LTK: variants seen among roughly 807,000 people sequenced by gnomAD.
LTK encodes the protein leukocyte receptor tyrosine kinase.
Under a neutral mutation model 101.5 loss-of-function variants are expected in LTK, and 117 were observed. That is an observed-to-expected ratio of 1.15 (90% CI 0.99 to 1.34). The LOEUF is 1.34. LTK is among the 40% of genes most tolerant of loss of function. The pLI, the probability that LTK is intolerant of heterozygous loss-of-function variation, is 0.00. For synonymous variants in LTK, 563 were observed against 494.2 expected (o/e 1.14, Z -1.85); for missense variants, 1,252 against 1,164.7 (o/e 1.07, Z -1.09).
At position 41,512,743 on chromosome 15, in the gene LTK, AC is replaced by A. The variant is rs768502176; in HGVS notation, c.322del (p.Val108CysfsTer13). 33 of 1,607,408 alleles carry A rather than the reference AC, an allele frequency of 2.1e-5. No homozygotes were observed. In the South Asian group the frequency reaches 3.6e-4, roughly 18 times the overall value. ...TVGAAGQLRG[V>X]QLWRVPGPGQ... ...AGGGCCCGGCACGCGCCACAGCTGC[AC>A]GCCTCTCAGCTGCCCGGCGGCCCCC... On this transcript the variant is annotated frameshift_variant, in exon 3 of 20. Coordinates refer to ENST00000263800, the MANE Select transcript of LTK (RefSeq NM_002344.6). LOFTEE classifies it high-confidence loss of function.
rs1441775028 is a variant in LTK, at chr15:41,513,812, C to T, written c.-103G>A. On this transcript the variant is annotated 5_prime_UTR_variant, in exon 1 of 20. In the 5' UTR this introduces an upstream ATG that the reference lacks. Coordinates refer to ENST00000263800, the MANE Select transcript of LTK (RefSeq NM_002344.6). Reference sequence around the variant, plus strand: ...TTTGCCACGGCAGCCCTGGCCACCACTTACAGGGGTGTGCTGCCGCTGGCG... The same window carrying T: ...TTTGCCACGGCAGCCCTGGCCACCATTTACAGGGGTGTGCTGCCGCTGGCG... 3 of 1,032,360 alleles carry T rather than the reference C, an allele frequency of 2.9e-6. No individual in the cohort carries two copies. The highest frequency in any genetic ancestry group is 4.6e-6 in the Non-Finnish European group (3 of 657,854). The allele number at this position is 1,032,360 out of a possible 1,614,324, so 63.9% of individuals were successfully genotyped here. A position where few individuals can be genotyped will look rare whatever the true frequency, so the allele number is the denominator to read the frequency against.
At chr15:41,508,310 T>A in intron 8 of LTK, 89 bp from the exon 9 acceptor site, 1 of 1,161,540 alleles carries the variant, frequency 8.6e-7, no homozygotes, top group Non-Finnish European at 1.2e-6. Context: ...GGCACACGCC[T>A]ATAATCATTG....
intron 8 of LTK, 45 bp from the exon 9 acceptor site, chr15:41,508,266 A>T: frequency 6.5e-7 from 1 of 1,544,090 alleles, no homozygotes; most frequent in Non-Finnish European, 8.8e-7. Context: ...TAGGGCTGGG[A>T]TATAGTAAAT....
intron 8 of LTK, among the ~76,000 whole-genome samples, chr15:41,508,431 G>A (rs542151265): frequency 2.5e-5 from 3 of 119,482 alleles, no homozygotes; most frequent in African/African-American, 1.1e-4. Context: ...GGTGGCGCAC[G>A]CCTGCAATCC....
intron 11 of LTK, among the ~76,000 whole-genome samples, chr15:41,506,502 A>C (rs2051289082): frequency 6.6e-6 from 1 of 151,448 alleles, no homozygotes; most frequent in Non-Finnish European, 1.5e-5. Flanking sequence ...ACAGGGTTTC[A>C]CCATGTTGGC....
In LTK at chr15:41,508,148, T is replaced by A. The variant is rs539878081; in HGVS notation, c.1170A>T (p.Gln390His). ...NCSHCPLRDC[Q>H]WQAELQLAEC... ...CAGCCAGCTGGAGCTCTGCCTGCCA[T>A]TGGCAGTCTCTCAAAGGGCAGTGAC... Residue 390 changes from glutamine (Q) to histidine (H), a missense_variant, in exon 9 of 20, where the codon CAA becomes CAT. Physicochemically the swap from Gln to His is conservative, Grantham distance 24 (BLOSUM62 0). Transcript: ENST00000263800. The A allele has an allele frequency of 6.2e-7, 1 of 1,613,376 alleles. No homozygotes were observed. The highest frequency in any genetic ancestry group is 1.1e-5 in the South Asian group (1 of 91,006).
At position 41,511,852 on chromosome 15, in the gene LTK, C is replaced by A; in HGVS notation, c.622G>T (p.Gly208Cys). ...TAGGTGGCGCCCCCGCCACCCCCGCCACCTCCCGCCCAGCGCCGCGACCCC... is the reference window on the plus strand; with the variant it reads ...TAGGTGGCGCCCCCGCCACCCCCGCAACCTCCCGCCCAGCGCCGCGACCCC... ...VPGSRRWAGGGGGGGGATYVF... is the reference protein window; with the variant it reads ...VPGSRRWAGGCGGGGGATYVF... Residue 208 changes from glycine to cysteine, a missense_variant, in exon 5 of 20, where the codon GGC (glycine) becomes TGC (cysteine). Transcript: ENST00000263800. The surrounding 1 kb of genome is among the most constrained non-coding windows in gnomAD (Gnocchi z 5.9). 1 of 1,448,062 alleles carries A rather than the reference C, an allele frequency of 6.9e-7. No individual in the cohort carries two copies. The highest frequency in any genetic ancestry group is 9.1e-7 in the Non-Finnish European group (1 of 1,099,992). The allele number at this position is 1,448,062 out of a possible 1,614,324, so 89.7% of individuals were successfully genotyped here. A position where few individuals can be genotyped will look rare whatever the true frequency, so the allele number is the denominator to read the frequency against.
chr15:41,511,672 G>C lies in LTK; in HGVS notation c.658-94C>G. The C allele has an allele frequency of 4.3e-6, 6 of 1,409,654 alleles. No homozygotes were observed. The highest frequency in any genetic ancestry group is 5.5e-6 in the Non-Finnish European group (6 of 1,092,238). 87.3% of individuals were successfully genotyped at this position (1,409,654 alleles called of 1,614,324 possible). On this transcript the variant is annotated intron_variant, in intron 5 of 19. Coordinates refer to ENST00000263800, the MANE Select transcript of LTK (RefSeq NM_002344.6). The surrounding 1 kb of genome is among the most constrained non-coding windows in gnomAD (Gnocchi z 5.9). ...GCTCCCGCCCAGGGGGCCTGGATAA[G>C]GGCAGGGGCCCCCAGCCCAGCCCAG...
chr15:41,512,083 G>T, intron 4 of LTK, 32 bp downstream of exon 4: 1 of 1,536,024 alleles, frequency 6.5e-7, no homozygotes, highest in Non-Finnish European at 8.8e-7. Flanking sequence ...CCCCGGCGCC[G>T]GCGCCGCCCC....
chr15:41,506,105 C>A (rs1405550790), intron 11 of LTK, 100 bp from the exon 12 acceptor site: 2 of 740,810 alleles, frequency 2.7e-6, no homozygotes, highest in Non-Finnish European at 4.7e-6. Flanking sequence ...GCCATATGCC[C>A]AGCTGACCCT....
Position 41,503,819 on chromosome 15 carries a change from G to A in LTK, c.*177C>T. The A allele has an allele frequency of 2.7e-6, 2 of 752,054 alleles. No homozygotes were observed. Among genetic ancestry groups the A allele is most frequent in the Admixed American group, 5.7e-5 (2 of 35,122 alleles). 46.6% of individuals were successfully genotyped at this position (752,054 alleles called of 1,614,324 possible). A position where few individuals can be genotyped will look rare whatever the true frequency, so the allele number is the denominator to read the frequency against. The stretch of plus-strand genomic sequence containing the variant: ...GCTGGGCCCTTCCCTGGGAGGCCTG[G>A]GCTGGTTTCCAGCATGGCAAGTGCA... On this transcript the variant is annotated 3_prime_UTR_variant, in exon 20 of 20. Transcript: ENST00000263800.
At position 41,513,226 on chromosome 15, in the gene LTK, C is replaced by G. The variant is rs369485319; in HGVS notation, c.44-106G>C. On this transcript the variant is annotated intron_variant, in intron 1 of 19. Transcript: ENST00000263800. ...CTGCCCTTGCGGTCGCGGCCACACC[C>G]GTCACCCGGCCCAGCCGCGCTCTCA... 1.6e-4 allele frequency: 211 copies of G among 1,354,858 alleles called. 4 individuals are homozygous for G. In the South Asian group the frequency reaches 2.6e-3, roughly 17 times the overall value. 83.9% of individuals were successfully genotyped at this position (1,354,858 alleles called of 1,614,324 possible). A position where few individuals can be genotyped will look rare whatever the true frequency, so the allele number is the denominator to read the frequency against.
Position 41,505,773 on chromosome 15 carries a change from A to T in LTK, c.1637T>A (p.Leu546Gln). ...ATCCTGAGGCGAGCAGAGTTCTGGC[A>T]GGGTCTGGGGAGGAAAAGGGCACAG... Reference protein sequence around the residue: ...SSPLQVAIKTLPELCSPQDEL... With the variant: ...SSPLQVAIKTQPELCSPQDEL... Residue 546 changes from leucine to glutamine, a missense_variant, in exon 13 of 20, where the codon CTG (leucine) becomes CAG (glutamine). Leu to Gln is a moderately radical substitution (Grantham distance 113). Transcript: ENST00000263800. 1 of 1,613,872 alleles carries T rather than the reference A, an allele frequency of 6.2e-7. No homozygotes were observed. The highest frequency in any genetic ancestry group is 8.5e-7 in the Non-Finnish European group (1 of 1,179,920).
In LTK at chr15:41,504,526, A is replaced by G; in HGVS notation, c.2235T>C (p.Pro745=). ...FVVGGGRMDP[P]RGCPGPVYRI... Reference sequence around the variant, plus strand: ...CTCACACAGGCCCTGGGCAGCCCCTAGGAGGGTCCATCCGGCCTCCTCCAA... The same window carrying G: ...CTCACACAGGCCCTGGGCAGCCCCTGGGAGGGTCCATCCGGCCTCCTCCAA... Residue 745 remains proline (P), a synonymous_variant, in exon 18 of 20, where the codon CCT becomes CCC. Coordinates refer to ENST00000263800, the MANE Select transcript of LTK (RefSeq NM_002344.6). The G allele has an allele frequency of 6.2e-7, 1 of 1,613,530 alleles. No individual in the cohort carries two copies. The highest frequency in any genetic ancestry group is 8.5e-7 in the Non-Finnish European group (1 of 1,179,812).
Position 41,508,085 on chromosome 15 carries a change from A to T in LTK, c.1233T>A (p.Asp411Glu). 1 of 1,608,204 alleles carries T rather than the reference A, an allele frequency of 6.2e-7. No individual in the cohort carries two copies. Among genetic ancestry groups the T allele is most frequent in the South Asian group, 1.1e-5 (1 of 90,582 alleles). The change falls in exon 9 of 20, where the codon GAT (aspartate) becomes GAA (glutamate). Residue 411 changes from aspartate (D) to glutamate (E), a missense_variant. Asp to Glu is a conservative substitution (Grantham distance 45). Coordinates refer to ENST00000263800, the MANE Select transcript of LTK (RefSeq NM_002344.6). ...LCPEGMELAV[D>E]NVTCMDLHKP... is the part of the protein sequence containing the mutation. ...AGGACATACCCATGCAGGTGACGTTATCCACAGCTAGCTCCATGCCTTCTG... is the reference window on the plus strand; with the variant it reads ...AGGACATACCCATGCAGGTGACGTTTTCCACAGCTAGCTCCATGCCTTCTG...
rs1421564759 is a variant in LTK at position 41,511,736 on chromosome 15, G to A, written c.657+81C>T. 2 of 1,442,596 alleles carry A rather than the reference G, an allele frequency of 1.4e-6. No homozygotes were observed. Among genetic ancestry groups the A allele is most frequent in the Non-Finnish European group, 1.8e-6 (2 of 1,109,030 alleles). 89.4% of individuals were successfully genotyped at this position (1,442,596 alleles called of 1,614,324 possible). On this transcript the variant is annotated intron_variant, in intron 5 of 19. Coordinates refer to ENST00000263800, the MANE Select transcript of LTK (RefSeq NM_002344.6). The surrounding 1 kb of genome is among the most constrained non-coding windows in gnomAD (Gnocchi z 5.9). ...AGCGCAGGGATAGGGGGACCCCAAG[G>A]GACGGACGGAGAGCCGGTGCGTGAG... is the stretch of plus-strand genomic sequence containing the variant.
In LTK at chr15:41,505,244, C is replaced by A; in HGVS notation, c.1889G>T (p.Gly630Val). The part of the protein sequence containing the change: ...LLQLAQDIAQ[G>V]CHYLEENHFI... ...GTGATTTTCCTCCAGGTAGTGGCAG[C>A]CCTGGGCTATGTCCTGGGCCAGTTG... Residue 630 changes from glycine to valine, a missense_variant, in exon 15 of 20, where the codon GGC becomes GTC. Physicochemically the swap from Gly to Val is moderately radical, Grantham distance 109. Transcript: ENST00000263800. 1 of 1,613,896 alleles carries A rather than the reference C, an allele frequency of 6.2e-7. No individual in the cohort carries two copies. Among genetic ancestry groups the A allele is most frequent in the Non-Finnish European group, 8.5e-7 (1 of 1,179,990 alleles).
chr15:41,513,193 C>T (rs1051531979), intron 1 of LTK, 73 bp from the exon 2 acceptor site: 54 of 1,488,034 alleles, frequency 3.6e-5, no homozygotes, highest in Non-Finnish European at 4.4e-5. Context: ...GAGAGAACCC[C>T]GCAACAGCTG....
chr15:41,504,309 A>G (rs2140685726), intron 19 of LTK, 33 bp downstream of exon 19: 1 of 1,612,964 alleles, frequency 6.2e-7, no homozygotes, highest in Non-Finnish European at 8.5e-7. Context: ...CTGACCCACA[A>G]GACCAGGATG....
Sources: gnomAD v4.1 joint callset for allele counts (sites outside exome capture counted in the v4.1 genomes callset) on GRCh38, gnomAD v4.1.1 for gene constraint, Gnocchi (gnomAD v3.1) non-coding constraint, MANE v1.5 for transcripts, NCBI Gene and HGNC (gene_info 2026-07-23, HGNC 2026-07-21) for gene names.